The following PTGR3 variants were observed in gnomAD, a reference collection of about 807,000 sequenced individuals.
PTGR3 encodes prostaglandin reductase 3.
At chr18:75,197,133 A>G in the PTGR3 span, 6 of 152,306 alleles carry the variant, frequency 3.9e-5, no homozygotes, top group Middle Eastern at 3.4e-3. Context: ...CAAGGGGGAT[A>G]GCATGATGCT....
At chr18:75,209,134 T>C in the PTGR3 span, 2 of 1,248,396 alleles carry the variant, frequency 1.6e-6, no homozygotes, top group Middle Eastern at 3.1e-4. This position sits in a 1 kb window ranked among gnomAD's most constrained non-coding sequence, Gnocchi z 4.7. Context: ...GGCTCGGCTG[T>C]GCTCTGCTCG....
At chr18:75,204,170 CG>C in the PTGR3 span, among the ~76,000 whole-genome samples, 1 of 152,260 alleles carries the variant, frequency 6.6e-6, no homozygotes, top group African/African-American at 2.4e-5. Flanking sequence ...GGGGGACACC[CG>C]GGCGGCCAGC....
chr18:75,205,533 CAGCTT>C, the PTGR3 span: 4 of 972,210 alleles, frequency 4.1e-6, no homozygotes, highest in Non-Finnish European at 4.9e-6. Flanking sequence ...CTAGAGTCAC[CAGCTT>C]ATATGTACTT....
chr18:75,201,438 T>G, the PTGR3 span: 1 of 1,611,596 alleles, frequency 6.2e-7, no homozygotes, highest in South Asian at 1.1e-5. Flanking sequence ...GTTGACAGAG[T>G]GAGGTAATTC....
chr18:75,201,422 C>T, the PTGR3 span: 1 of 1,606,800 alleles, frequency 6.2e-7, no homozygotes, highest in Non-Finnish European at 8.5e-7. Context: ...GTTTTTACAG[C>T]TTACTGTTGA....
the PTGR3 span, among the ~76,000 whole-genome samples, chr18:75,206,600 C>T: frequency 6.6e-6 from 1 of 152,210 alleles, no homozygotes; most frequent in Non-Finnish European, 1.5e-5. Flanking sequence ...GATCTTCCTA[C>T]AACGTGGTGG....
the PTGR3 span, among the ~76,000 whole-genome samples, chr18:75,203,824 A>C: frequency 1.3e-5 from 2 of 152,156 alleles, no homozygotes; most frequent in Non-Finnish European, 2.9e-5. Flanking sequence ...CATAATTCTC[A>C]AGGCCTGGCG....
At chr18:75,197,504 T>C in the PTGR3 span, 1 of 152,236 alleles carries the variant, frequency 6.6e-6, no homozygotes, top group East Asian at 1.9e-4. Flanking sequence ...ACACCAACTG[T>C]ATTGATGATA....
chr18:75,205,283 G>C, the PTGR3 span: 2 of 985,464 alleles, frequency 2.0e-6, no homozygotes, highest in Non-Finnish European at 2.4e-6. Flanking sequence ...GGCTCGGGAT[G>C]GGGAGCAGGG....
chr18:75,208,413 C>G, the PTGR3 span: 1 of 990,420 alleles, frequency 1.0e-6, no homozygotes, highest in Non-Finnish European at 1.2e-6. Context: ...CTCCGAAGCA[C>G]GTTTACCTAA....
the PTGR3 span, chr18:75,196,450 GAACCTCATCTCTAGTAAAAAA>G: frequency 6.6e-6 from 1 of 151,660 alleles, no homozygotes; most frequent in African/African-American, 2.4e-5. Flanking sequence ...CTACATAGTA[GAACCTCATCTCTAGTAAAAAA>G]ATACAAAAAA....
the PTGR3 span, among the ~76,000 whole-genome samples, chr18:75,205,038 G>A: frequency 6.6e-6 from 1 of 152,156 alleles, no homozygotes; most frequent in Non-Finnish European, 1.5e-5. Flanking sequence ...GGAGCCCGCG[G>A]CGGCTCGGGT....
the PTGR3 span, chr18:75,195,337 T>A: frequency 6.6e-6 from 1 of 152,228 alleles, no homozygotes; most frequent in African/African-American, 2.4e-5. Context: ...ATACTTCTAC[T>A]GGGTTTATCT....
the PTGR3 span, chr18:75,202,128 G>A: frequency 1.2e-6 from 2 of 1,614,154 alleles, no homozygotes; most frequent in African/African-American, 1.3e-5. Flanking sequence ...GGGCACTGGA[G>A]TTGCAATGCT....
chr18:75,205,371 AC>A, the PTGR3 span: 425,125 of 977,736 alleles, frequency 0.43, 95,661 homozygotes, highest in Non-Finnish European at 0.46. Context: ...CCCTCCTTGT[AC>A]CCCCACCCCC....
the PTGR3 span, chr18:75,209,052 G>A: frequency 6.5e-7 from 1 of 1,549,006 alleles, no homozygotes; most frequent in Non-Finnish European, 8.7e-7. The surrounding 1 kb of genome is among the most constrained non-coding windows in gnomAD (Gnocchi z 4.7). Context: ...GGCACCAGCC[G>A]CAGCATGGCC....
At chr18:75,202,665 C>CAAAAAAAAAAAAAAAA in the PTGR3 span, among the ~76,000 whole-genome samples, 1 of 79,090 alleles carries the variant, frequency 1.3e-5, no homozygotes. Context: ...TAGAAATAAG[C>CAAAAAAAAAAAAAAAA]AAAAAAAAAA....
the PTGR3 span, chr18:75,201,467 G>GT: frequency 6.2e-7 from 1 of 1,613,790 alleles, no homozygotes; most frequent in Non-Finnish European, 8.5e-7. Flanking sequence ...TTTTTCCAGT[G>GT]TTTTTTCCCA....
the PTGR3 span, among the ~76,000 whole-genome samples, chr18:75,202,837 A>G: frequency 1.3e-5 from 2 of 152,224 alleles, no homozygotes; most frequent in African/African-American, 4.8e-5. Context: ...TGATTCTGGC[A>G]ACAATTTAAC....
Sources: gnomAD v4.1 joint callset for allele counts (sites outside exome capture counted in the v4.1 genomes callset) on GRCh38, gnomAD v4.1.1 for gene constraint, Gnocchi (gnomAD v3.1) non-coding constraint, MANE v1.5 for transcripts, NCBI Gene and HGNC (gene_info 2026-07-23, HGNC 2026-07-21) for gene names.